PTCHD4: variants seen among roughly 807,000 people sequenced by gnomAD.
PTCHD4 encodes patched domain containing 4, also known as patched domain-containing protein 4.
PTCHD4 carries 33 observed loss-of-function variants against 58.1 expected under a neutral mutation model. That is an observed-to-expected ratio of 0.57 (90% CI 0.43 to 0.76). The LOEUF is 0.76. Ranked by LOEUF, PTCHD4 falls within the 30% of genes least tolerant of loss-of-function variation. The pLI, the probability that PTCHD4 is intolerant of heterozygous loss-of-function variation, is 0.00. For synonymous variants in PTCHD4, 478 were observed against 409.6 expected, an observed-to-expected ratio of 1.17 and a Z score of -2.02; for missense variants, 1,058 against 1,027.1, an observed-to-expected ratio of 1.03 and a Z score of -0.41.
chr6:48,001,661 A>T (rs1347414893), intron 4 of PTCHD4, among the ~76,000 whole-genome samples: 1 of 152,150 alleles, frequency 6.6e-6, no homozygotes, highest in East Asian at 1.9e-4. Context: ...AAACCCTAGA[A>T]GAAAACCTAG....
At chr6:48,032,066 ACCC>A (rs59150380) in intron 3 of PTCHD4, among the ~76,000 whole-genome samples, 49 of 151,346 alleles carry the variant, frequency 3.2e-4, no homozygotes, top group Non-Finnish European at 6.2e-4. Context: ...TTCTCCACAA[ACCC>A]CAGGCATTTT....
In PTCHD4 at chr6:47,872,805, T is replaced by G. The variant is rs1003554385; in HGVS notation, c.*5498A>C. ...CTTTAGAGATGCAGAAGACATAAAA[T>G]GTGATTTGTAGACTAGGAAGTTATA... On this transcript the variant is annotated 3_prime_UTR_variant, in exon 5 of 5. Transcript: ENST00000339488. Among the ~76,000 whole-genome samples the G allele has an allele frequency of 1.3e-5, 2 of 151,572 alleles. No individual in the cohort carries two copies. The highest frequency in any genetic ancestry group is 2.4e-5 in the African/African-American group (1 of 41,350).
At chr6:47,882,741 G>GATATATATATATAT (rs1554149146) in intron 4 of PTCHD4, among the ~76,000 whole-genome samples, 9 of 102,372 alleles carry the variant, frequency 8.8e-5, no homozygotes, top group East Asian at 3.4e-4. Flanking sequence ...TGATTCCAGT[G>GATATATATATATAT]ATATATATAT....
rs529945884 is a variant in PTCHD4 at position 47,939,723 on chromosome 6, G to A, written c.899-59787C>T. Among the ~76,000 whole-genome samples the A allele has an allele frequency of 3.3e-5, 5 of 152,034 alleles. No individual in the cohort carries two copies. In the South Asian group the frequency reaches 6.2e-4, roughly 19 times the overall value. On this transcript the variant is annotated intron_variant, in intron 4 of 4. Coordinates refer to ENST00000339488, the MANE Select transcript of PTCHD4 (RefSeq NM_001384253.1). ...CAAATCCTGAGGTTGTTGGGAGGAT[G>A]TATGAGTTAAAAATGTTAAAGTGCT... is the stretch of plus-strand genomic sequence containing the variant.
At chr6:47,989,462 G>A (rs1305423254) in intron 4 of PTCHD4, among the ~76,000 whole-genome samples, 1 of 152,174 alleles carries the variant, frequency 6.6e-6, no homozygotes, top group African/African-American at 2.4e-5. Context: ...AGGCCCAGAG[G>A]CTTAGAAGGA....
At chr6:47,978,520 A>T (rs1381963352) in intron 4 of PTCHD4, among the ~76,000 whole-genome samples, 1 of 152,180 alleles carries the variant, frequency 6.6e-6, no homozygotes, top group East Asian at 1.9e-4. Context: ...GTGAGTATTA[A>T]ATGTGTTAAT....
chr6:48,071,380 A>T (rs987262993), intron 1 of PTCHD4, among the ~76,000 whole-genome samples: 2 of 152,218 alleles, frequency 1.3e-5, no homozygotes, highest in African/African-American at 2.4e-5. Context: ...CATTCACTGA[A>T]TGTTAACTGA....
rs1465029284 is a variant in PTCHD4 at position 47,862,794 on chromosome 6, A to G, written c.*15509T>C. ...TTAATACTGTTTCCTTTGGAATTGTAATACTCATCTGCTCTTCAGTAACAA... is the reference window on the plus strand; with the variant it reads ...TTAATACTGTTTCCTTTGGAATTGTGATACTCATCTGCTCTTCAGTAACAA... On this transcript the variant is annotated 3_prime_UTR_variant, in exon 5 of 5. Coordinates refer to ENST00000339488, the MANE Select transcript of PTCHD4 (RefSeq NM_001384253.1). Among the ~76,000 whole-genome samples, 1 of 151,876 alleles carries G rather than the reference A, an allele frequency of 6.6e-6. No individual in the cohort carries two copies. The highest frequency in any genetic ancestry group is 6.6e-5 in the Admixed American group (1 of 15,226).
intron 3 of PTCHD4, among the ~76,000 whole-genome samples, chr6:48,040,723 A>G (rs1326072488): frequency 6.6e-6 from 1 of 152,072 alleles, no homozygotes; most frequent in Non-Finnish European, 1.5e-5. Context: ...TGAAATGGAT[A>G]CTATTAGTAT....
At chr6:48,103,437 C>A (rs1439949504) in intron 1 of PTCHD4, among the ~76,000 whole-genome samples, 1 of 152,108 alleles carries the variant, frequency 6.6e-6, no homozygotes, top group Non-Finnish European at 1.5e-5. Flanking sequence ...GACATCCACA[C>A]CAAAAATCCA....
At position 47,867,873 on chromosome 6, in the gene PTCHD4, A is replaced by G. The variant is rs1763612428; in HGVS notation, c.*10430T>C. Reference sequence around the variant, plus strand: ...TCTTCTGAGCCTAGCACAGAGACCAATATAGGTGCTCCTAAATATGAGGTA... The same window carrying G: ...TCTTCTGAGCCTAGCACAGAGACCAGTATAGGTGCTCCTAAATATGAGGTA... On this transcript the variant is annotated 3_prime_UTR_variant, in exon 5 of 5. Coordinates refer to ENST00000339488, the MANE Select transcript of PTCHD4 (RefSeq NM_001384253.1). Among the ~76,000 whole-genome samples, 1 of 151,758 alleles carries G rather than the reference A, an allele frequency of 6.6e-6. No individual in the cohort carries two copies. Among genetic ancestry groups the G allele is most frequent in the African/African-American group, 2.4e-5 (1 of 41,376 alleles).
intron 1 of PTCHD4, among the ~76,000 whole-genome samples, chr6:48,073,085 T>A (rs945317055): frequency 3.9e-5 from 6 of 152,188 alleles, no homozygotes; most frequent in Non-Finnish European, 8.8e-5. Flanking sequence ...AAAACATCAG[T>A]GGATATCAAT....
At position 47,864,381 on chromosome 6, in the gene PTCHD4, A is replaced by G. The variant is rs1406425080; in HGVS notation, c.*13922T>C. On this transcript the variant is annotated 3_prime_UTR_variant, in exon 5 of 5. Transcript: ENST00000339488. ...CTAGTTTGCTTTGCTAAAATCCTTGATGGGTAGTGGCTGCCTCTCATTTCT... is the reference window on the plus strand; with the variant it reads ...CTAGTTTGCTTTGCTAAAATCCTTGGTGGGTAGTGGCTGCCTCTCATTTCT... Among the ~76,000 whole-genome samples the G allele has an allele frequency of 6.6e-6, 1 of 151,834 alleles. No homozygotes were observed. Among genetic ancestry groups the G allele is most frequent in the Non-Finnish European group, 1.5e-5 (1 of 67,902 alleles).
chr6:48,010,382 A>T (rs1295823849), intron 3 of PTCHD4, among the ~76,000 whole-genome samples: 1 of 152,176 alleles, frequency 6.6e-6, no homozygotes, highest in Non-Finnish European at 1.5e-5. Flanking sequence ...ACTGGGAGGT[A>T]TTATGTACTC....
intron 3 of PTCHD4, among the ~76,000 whole-genome samples, chr6:48,014,552 T>C (rs1582022901): frequency 6.6e-6 from 1 of 152,142 alleles, no homozygotes; most frequent in Non-Finnish European, 1.5e-5. Context: ...ATGGCTAGTT[T>C]ATTTGGTTTT....
chr6:47,991,200 A>C (rs1024355039), intron 4 of PTCHD4, among the ~76,000 whole-genome samples: 1 of 152,176 alleles, frequency 6.6e-6, no homozygotes, highest in Non-Finnish European at 1.5e-5. Flanking sequence ...AAAGCAAAAC[A>C]AATAGAATAA....
At chr6:47,904,913 T>C (rs1764827553) in intron 4 of PTCHD4, among the ~76,000 whole-genome samples, 1 of 152,030 alleles carries the variant, frequency 6.6e-6, no homozygotes, top group Admixed American at 6.6e-5. Flanking sequence ...ATGAGGCCAA[T>C]GGAAATGCCA....
At position 47,878,380 on chromosome 6, in the gene PTCHD4, G is replaced by A. The variant is rs773331588; in HGVS notation, c.2455C>T (p.Arg819Cys). Residue 819 changes from arginine to cysteine, a missense_variant, in exon 5 of 5, where the codon CGT becomes TGT. Transcript: ENST00000339488. The part of the protein sequence containing the change: ...PSKKHHKKKK[R>C]AKRKEREEIE... ...TCCTCTCTCTCCTTTCGCTTGGCACGTTTCTTTTTCTTGTGGTGCTTTTTG... is the reference window on the plus strand; with the variant it reads ...TCCTCTCTCTCCTTTCGCTTGGCACATTTCTTTTTCTTGTGGTGCTTTTTG... 11 of 1,612,388 alleles carry A rather than the reference G, an allele frequency of 6.8e-6. No individual in the cohort carries two copies. Among genetic ancestry groups the A allele is most frequent in the South Asian group, 1.1e-5 (1 of 90,870 alleles).
chr6:48,005,720 G>T (rs1762408780), intron 4 of PTCHD4, among the ~76,000 whole-genome samples: 21 of 152,174 alleles, frequency 1.4e-4, no homozygotes, highest in Admixed American at 1.4e-3. Context: ...CTATAGATTA[G>T]AGATTTGAGG....
Sources: allele counts gnomAD v4.1 joint callset (sites outside exome capture counted in the v4.1 genomes callset), GRCh38; gene constraint gnomAD v4.1.1; transcripts MANE v1.5; gene names NCBI Gene and HGNC (gene_info 2026-07-23, HGNC 2026-07-21).